The following ZNF536 variants were observed in gnomAD, a reference collection of about 807,000 sequenced individuals.
The protein encoded by ZNF536 is zinc finger protein 536.
A neutral mutation model predicts 84.5 loss-of-function variants in ZNF536; 13 were observed. The observed-to-expected ratio is 0.15, with a 90% CI of 0.10 to 0.24. The LOEUF (loss-of-function observed/expected upper bound fraction) is 0.24. ZNF536 is among the 10% of genes least tolerant of loss of function. The pLI is 1.00. For missense variants in ZNF536, 1,536 were observed against 1,747.5 expected (o/e 0.88, Z 2.16); for synonymous variants, 811 against 742.5 (o/e 1.09, Z -1.50).
At chr19:30,231,115 C>T (rs2023005698) in intron 1 of ZNF536, among the ~76,000 whole-genome samples, 1 of 152,150 alleles carries the variant, frequency 6.6e-6, no homozygotes, top group Admixed American at 6.5e-5. Flanking sequence ...GCTGAAATAT[C>T]AGCTTGCATT....
At chr19:30,525,911 A>G (rs1441841821) in intron 2 of ZNF536, among the ~76,000 whole-genome samples, 16 of 152,160 alleles carry the variant, frequency 1.1e-4, no homozygotes, top group Non-Finnish European at 1.6e-4. Context: ...ATATTGAGAC[A>G]CAGCTGGAGG....
intron 1 of ZNF536, among the ~76,000 whole-genome samples, chr19:30,660,433 C>T (rs2050083955): frequency 6.6e-6 from 1 of 152,132 alleles, no homozygotes; most frequent in African/African-American, 2.4e-5. Flanking sequence ...TCTTTGGCAG[C>T]GTGGAAATAA....
chr19:30,338,553 TATAGTGG>T (rs1006175969), intron 2 of ZNF536, among the ~76,000 whole-genome samples: 4 of 152,118 alleles, frequency 2.6e-5, no homozygotes, highest in African/African-American at 9.7e-5. Context: ...GACCTTGTGG[TATAGTGG>T]CTAAAAGAAT....
chr19:30,544,667 C>T (rs544801456), intron 3 of ZNF536, among the ~76,000 whole-genome samples: 5 of 152,240 alleles, frequency 3.3e-5, no homozygotes, highest in African/African-American at 4.8e-5. Flanking sequence ...AGGGAGGTTT[C>T]AGGTGTTTAT....
chr19:30,556,991 A>G (rs1339729116), intron 4 of ZNF536, 166 bp from the exon 5 acceptor site: 1 of 690,306 alleles, frequency 1.4e-6, no homozygotes, highest in East Asian at 2.6e-5. Flanking sequence ...AATCATGTTG[A>G]CTATTCTTGC....
At chr19:30,519,645 G>A (rs572772291) in intron 2 of ZNF536, among the ~76,000 whole-genome samples, 2 of 152,316 alleles carry the variant, frequency 1.3e-5, no homozygotes, top group East Asian at 3.9e-4. Flanking sequence ...CCCACACCCT[G>A]GAAGGGCAGG....
At chr19:30,409,673 A>C (rs1041828931) in intron 1 of ZNF536, among the ~76,000 whole-genome samples, 1 of 152,240 alleles carries the variant, frequency 6.6e-6, no homozygotes, top group East Asian at 1.9e-4. Flanking sequence ...TGTTATGTCA[A>C]ATTACGTCCC....
At chr19:30,371,040 A>C (rs1157608591), upstream of ZNF536, among the ~76,000 whole-genome samples, 1 of 152,228 alleles carries the variant, frequency 6.6e-6, no homozygotes. Context: ...AAATCTCATA[A>C]GTGATGTCAG....
At chr19:30,241,647 G>GGGGAGC (rs2144873054) in intron 1 of ZNF536, among the ~76,000 whole-genome samples, 1 of 152,348 alleles carries the variant, frequency 6.6e-6, no homozygotes, top group Non-Finnish European at 1.5e-5. Context: ...CAGAGCCCAT[G>GGGGAGC]GGGAGCGGGC....
intron 1 of ZNF536, among the ~76,000 whole-genome samples, chr19:30,633,352 G>A (rs1041958425): frequency 6.6e-6 from 1 of 152,166 alleles, no homozygotes; most frequent in Admixed American, 6.5e-5. Flanking sequence ...TAAATACGAC[G>A]TGGGAAGATT....
rs1371518925 is a variant in ZNF536 at position 30,228,948 on chromosome 19, C to G, written c.-190+275C>G. Among the ~76,000 whole-genome samples the G allele has an allele frequency of 6.6e-6, 1 of 150,948 alleles. No individual in the cohort carries two copies. The highest frequency in any genetic ancestry group is 2.4e-5 in the African/African-American group (1 of 41,038). The stretch of plus-strand genomic sequence containing the variant: ...AGACTCGGGAGGCGATCTTGGGGGG[C>G]GCGCGGTCGCAGTTGGGCATCTTGC... On this transcript the variant is annotated intron_variant, in intron 1 of 5. Transcript: ENST00000585628. The surrounding 1 kb of genome is among the most constrained non-coding windows in gnomAD (Gnocchi z 4.5).
At chr19:30,696,836 C>A (rs1420516825) in intron 1 of ZNF536, among the ~76,000 whole-genome samples, 1 of 152,128 alleles carries the variant, frequency 6.6e-6, no homozygotes, top group Non-Finnish European at 1.5e-5. Flanking sequence ...CTGGCGACAT[C>A]TAAGCTCTTA....
chr19:30,607,850 T>C (rs1256568182), intron 1 of ZNF536, among the ~76,000 whole-genome samples: 2 of 152,110 alleles, frequency 1.3e-5, no homozygotes, highest in African/African-American at 4.8e-5. Context: ...GATCATACAA[T>C]AGGTATTTTC....
chr19:30,454,033 G>T (rs970501107), intron 2 of ZNF536, among the ~76,000 whole-genome samples: 1 of 152,234 alleles, frequency 6.6e-6, no homozygotes, highest in Admixed American at 6.5e-5. Flanking sequence ...CTCCAATGTG[G>T]GCATGAGGAC....
intron 1 of ZNF536, among the ~76,000 whole-genome samples, chr19:30,644,223 C>A (rs2049374757): frequency 6.6e-6 from 1 of 152,166 alleles, no homozygotes; most frequent in Admixed American, 6.6e-5. Context: ...AGCTGTTTCT[C>A]TTTATATGTA....
intron 1 of ZNF536, among the ~76,000 whole-genome samples, chr19:30,696,067 A>G (rs940738765): frequency 2.0e-5 from 3 of 152,254 alleles, no homozygotes; most frequent in African/African-American, 7.2e-5. Flanking sequence ...TTAAAAACTT[A>G]AAAATACACA....
At chr19:30,658,715 C>G (rs2050010560) in intron 1 of ZNF536, among the ~76,000 whole-genome samples, 1 of 151,558 alleles carries the variant, frequency 6.6e-6, no homozygotes, top group African/African-American at 2.4e-5. Flanking sequence ...ACTTCTTCCT[C>G]TTTTTTTTTC....
intron 2 of ZNF536, among the ~76,000 whole-genome samples, chr19:30,303,513 T>A (rs1354164527): frequency 6.6e-6 from 1 of 151,984 alleles, no homozygotes; most frequent in Non-Finnish European, 1.5e-5. Context: ...ACACTTTTTT[T>A]TTTTTTTGAG....
At chr19:30,394,520 C>T (rs1387639317) in intron 1 of ZNF536, among the ~76,000 whole-genome samples, 3 of 152,198 alleles carry the variant, frequency 2.0e-5, no homozygotes, top group African/African-American at 7.2e-5. Context: ...CTTACGTCTG[C>T]TCGGCTGCAC....
Sources: gnomAD v4.1 joint callset for allele counts (sites outside exome capture counted in the v4.1 genomes callset) on GRCh38, gnomAD v4.1.1 for gene constraint, Gnocchi (gnomAD v3.1) non-coding constraint, MANE v1.5 for transcripts, NCBI Gene and HGNC (gene_info 2026-07-23, HGNC 2026-07-21) for gene names.